The following HSD17B10 variants were observed in gnomAD, a reference collection of about 807,000 sequenced individuals.
The protein encoded by HSD17B10 is 3-hydroxyacyl-CoA dehydrogenase type-2.
For missense variants in HSD17B10, 87 were observed against 219.4 expected (o/e 0.40, Z 3.81); for synonymous variants, 90 against 85.9 (o/e 1.05, Z -0.26).
chrX:53,432,469 A>C, intron 2 of HSD17B10, 58 bp from the exon 3 acceptor site: 13 of 1,009,931 alleles, frequency 1.3e-5, no homozygotes, highest in Non-Finnish European at 1.8e-5. Flanking sequence ...TTCCCACTAA[A>C]CCTGAGGGAG....
intron 2 of HSD17B10, 100 bp downstream of exon 2, chrX:53,433,622 C>T (rs782479504): frequency 8.3e-5 from 66 of 794,402 alleles, no homozygotes; most frequent in Non-Finnish European, 1.2e-4. Flanking sequence ...GTCTACCGCC[C>T]CCATAGAGGA....
At position 53,431,871 on chromosome X, in the gene HSD17B10, T is replaced by C; in HGVS notation, c.522A>G (p.Gly174=). ...GQAAYSASKG[G]IVGMTLPIAR... Reference sequence around the variant, plus strand: ...CAATGGGCAGTGTCATGCCCACTATTCCCCCCTTGGAAGCAGAGTATGCAG... The same window carrying C: ...CAATGGGCAGTGTCATGCCCACTATCCCCCCCTTGGAAGCAGAGTATGCAG... Residue 174 remains glycine (G), a synonymous_variant, in exon 5 of 6, where the codon GGA becomes GGG. Transcript: ENST00000168216. 2.5e-6 allele frequency: 3 copies of C among 1,210,710 alleles called. No homozygotes were observed. Among genetic ancestry groups the C allele is most frequent in the Middle Eastern group, 2.3e-4 (1 of 4,353 alleles).
Position 53,433,733 on chromosome X carries a change from C to T in HSD17B10, c.181G>A (p.Ala61Thr). The T allele has an allele frequency of 1.7e-6, 2 of 1,205,695 alleles. No homozygotes were observed. The highest frequency in any genetic ancestry group is 1.1e-6 in the Non-Finnish European group (1 of 892,297). The change falls in exon 2 of 6, where the codon GCC (alanine) becomes ACC (threonine). Residue 61 changes from alanine (A) to threonine (T), a missense_variant. Physicochemically the swap from Ala to Thr is moderately conservative, Grantham distance 58. Coordinates refer to ENST00000168216, the MANE Select transcript of HSD17B10 (RefSeq NM_004493.3). ...GTGACCCCACTTACGTCGGCTGGGGCGAAAACGCAGTTGTTTCCTAACTTC... is the reference window on the plus strand; with the variant it reads ...GTGACCCCACTTACGTCGGCTGGGGTGAAAACGCAGTTGTTTCCTAACTTC... ...AKKLGNNCVF[A>T]PADVTSEKDV... is the part of the protein sequence containing the mutation.
At chrX:53,431,689 G>A (rs782542563) in intron 5 of HSD17B10, 95 bp from the exon 6 acceptor site, 1 of 1,025,373 alleles carries the variant, frequency 9.8e-7, no homozygotes, top group Non-Finnish European at 1.3e-6. Context: ...CTTCTCTGGG[G>A]CCCAAAGATA....
In HSD17B10 at chrX:53,431,788, A is replaced by T; in HGVS notation, c.595+10T>A. The T allele has an allele frequency of 9.3e-6, 11 of 1,182,719 alleles. No individual in the cohort carries two copies. The highest frequency in any genetic ancestry group is 1.1e-5 in the Non-Finnish European group (10 of 870,140). ...ATCCCAGGTATGATGGAGAGAGGGG[A>T]TATGTCTACCTGGGGCAATGGTCAT... On this transcript the variant is annotated intron_variant, in intron 5 of 5. Coordinates refer to ENST00000168216, the MANE Select transcript of HSD17B10 (RefSeq NM_004493.3).
chrX:53,432,381 G>C lies in HSD17B10; in HGVS notation c.223C>G (p.Leu75Val), dbSNP rs374438347. The change falls in exon 3 of 6, where the codon CTG (leucine) becomes GTG (valine). Residue 75 changes from leucine to valine, a missense_variant. By Grantham distance (32) the Leu-to-Val change is conservative. Coordinates refer to ENST00000168216, the MANE Select transcript of HSD17B10 (RefSeq NM_004493.3). ...CCAAACTTTCCTTTTGCTAGAGCCA[G>C]AGCTGTTTGCACATCCTTCTCAGAG... ...VTSEKDVQTA[L>V]ALAKGKFGRV... The C allele has an allele frequency of 9.4e-5, 113 of 1,208,058 alleles. No homozygotes were observed. The highest frequency in any genetic ancestry group is 1.2e-4 in the Non-Finnish European group (104 of 894,474).
intron 1 of HSD17B10, chrX:53,434,098 T>C: frequency 1.8e-6 from 1 of 550,889 alleles, no homozygotes; most frequent in Non-Finnish European, 3.1e-6. Flanking sequence ...CCCGTGACGA[T>C]AGATAGATAG....
At chrX:53,434,115 G>A (rs2075835816) in intron 1 of HSD17B10, 3 of 549,064 alleles carry the variant, frequency 5.5e-6, no homozygotes, top group Non-Finnish European at 9.4e-6. Flanking sequence ...ATAGATGATT[G>A]ATAGATAGAT....
chrX:53,432,803 G>C (rs893818799), intron 2 of HSD17B10: 2 of 242,028 alleles, frequency 8.3e-6, no homozygotes, highest in South Asian at 9.6e-5. Context: ...AGCTGAGATC[G>C]TGCCATTGCA....
chrX:53,431,747 C>A (rs369860435), intron 5 of HSD17B10, 51 bp downstream of exon 5: 15 of 1,087,827 alleles, frequency 1.4e-5, no homozygotes, highest in Non-Finnish European at 1.9e-5. Flanking sequence ...TCTCAACTGT[C>A]CATGGATCCC....
chrX:53,431,994 C>G lies in HSD17B10; in HGVS notation c.480G>C (p.Glu160Asp). Residue 160 changes from glutamate to aspartate, a missense_variant, in exon 4 of 6, where the codon GAG becomes GAC. Glu to Asp is a conservative substitution (Grantham distance 45). Transcript: ENST00000168216. ...CTTACCCCTGCCCACACACCTGACC[C>G]TCGAAGGCAGCCACACTGGCAGTGT... ...IINTASVAAF[E>D]GQVGQAAYSA... 1 of 1,211,611 alleles carries G rather than the reference C, an allele frequency of 8.3e-7. No individual in the cohort carries two copies. Among genetic ancestry groups the G allele is most frequent in the Non-Finnish European group, 1.1e-6 (1 of 895,488 alleles).
At chrX:53,431,687 G>T in intron 5 of HSD17B10, 93 bp from the exon 6 acceptor site, 1 of 1,028,834 alleles carries the variant, frequency 9.7e-7, no homozygotes, top group Non-Finnish European at 1.3e-6. Flanking sequence ...TGCTTCTCTG[G>T]GGCCCAAAGA....
In HSD17B10 at chrX:53,433,841, C is replaced by A. The variant is rs1556894938; in HGVS notation, c.73G>T (p.Ala25Ser). The A allele has an allele frequency of 8.3e-7, 1 of 1,211,193 alleles. No individual in the cohort carries two copies. Among genetic ancestry groups the A allele is most frequent in the Non-Finnish European group, 1.1e-6 (1 of 894,966 alleles). The change falls in exon 2 of 6, where the codon GCC becomes TCC. Residue 25 changes from alanine to serine, a missense_variant. Transcript: ENST00000168216. The part of the protein sequence containing the change: ...ITGGASGLGL[A>S]TAERLVGQGA... ...TGCCCCACAAGTCGCTCCGCCGTGG[C>A]CAGGCCCAGGCCCGAGGCTCCTCCG...
At position 53,432,011 on chromosome X, in the gene HSD17B10, T is replaced by C; in HGVS notation, c.463A>G (p.Ser155Gly). Reference protein sequence around the residue: ...GQRGVIINTASVAAFEGQVGQ... With the variant: ...GQRGVIINTAGVAAFEGQVGQ... ...ACCTGACCCTCGAAGGCAGCCACAC[T>C]GGCAGTGTTGATGATGACCCCACGT... The change falls in exon 4 of 6, where the codon AGT (serine) becomes GGT (glycine). Residue 155 changes from serine to glycine, a missense_variant. Physicochemically the swap from Ser to Gly is moderately conservative, Grantham distance 56 (BLOSUM62 0). Transcript: ENST00000168216. 8.3e-7 allele frequency: 1 copy of C among 1,211,900 alleles called. No individual in the cohort carries two copies. Among genetic ancestry groups the C allele is most frequent in the Non-Finnish European group, 1.1e-6 (1 of 895,489 alleles).
chrX:53,433,022 C>T (rs953082191), intron 2 of HSD17B10: 1 of 131,544 alleles, frequency 7.6e-6, no homozygotes, highest in Non-Finnish European at 1.5e-5. Flanking sequence ...GGTGCAGTGG[C>T]TCACACCTGT....
At chrX:53,433,483 A>G (rs1556894850) in intron 2 of HSD17B10, among the ~76,000 whole-genome samples, 3 of 112,891 alleles carry the variant, frequency 2.7e-5, no homozygotes, top group Non-Finnish European at 5.6e-5. Context: ...CAAACCATAC[A>G]TAACTCCTCC....
In HSD17B10 at chrX:53,433,815, C is replaced by T; in HGVS notation, c.99G>A (p.Gln33=). ...GLATAERLVG[Q]GASAVLLDLP... ...GGTCCAGAAGCACAGCAGAGGCTCC[C>T]TGCCCCACAAGTCGCTCCGCCGTGG... Residue 33 remains glutamine, a synonymous_variant, in exon 2 of 6, where the codon CAG becomes CAA. Transcript: ENST00000168216. 8.3e-7 allele frequency: 1 copy of T among 1,211,513 alleles called. No homozygotes were observed. The highest frequency in any genetic ancestry group is 1.1e-6 in the Non-Finnish European group (1 of 894,988).
rs1556894640 is a variant in HSD17B10, at chrX:53,432,280, G to T, written c.324C>A (p.Thr108=). The change falls in exon 3 of 6, where the codon ACC becomes ACA. Residue 108 remains threonine, a synonymous_variant. Transcript: ENST00000168216. ...CTCGCTGGAAGTCTTCCAAGGTATG[G>T]GTCTGGCCCTTCTTTAAGTTGTACG... ...SKTYNLKKGQ[T]HTLEDFQRVL... 8.3e-7 allele frequency: 1 copy of T among 1,210,891 alleles called. No homozygotes were observed.
rs781794810 is a variant in HSD17B10, at chrX:53,431,542, G to A, written c.648C>T (p.Phe216=). 2.5e-6 allele frequency: 3 copies of A among 1,210,661 alleles called. No individual in the cohort carries two copies. The highest frequency in any genetic ancestry group is 3.0e-5 in the East Asian group (1 of 33,839). The change falls in exon 6 of 6, where the codon TTC becomes TTT. Residue 216 remains phenylalanine, a synonymous_variant. Transcript: ENST00000168216. ...LTSLPEKVCN[F]LASQVPFPSR... ...TAGGGAAGGGCACTTGGCTGGCCAA[G>A]AAGTTGCACACTTTCTCTGGGAGGC...
Sources: allele counts gnomAD v4.1 joint callset (sites outside exome capture counted in the v4.1 genomes callset), GRCh38; gene constraint gnomAD v4.1.1; transcripts MANE v1.5; gene names NCBI Gene and HGNC (gene_info 2026-07-23, HGNC 2026-07-21).